C12orf76: variants seen among roughly 807,000 people sequenced by gnomAD.
C12orf76 encodes the protein uncharacterized protein C12orf76.
In C12orf76, 6 loss-of-function variants were observed where a neutral mutation model predicts 6.8. The observed-to-expected ratio is 0.88, with a 90% CI of 0.48 to 1.73. C12orf76 has a LOEUF of 1.73. C12orf76 is among the 40% of genes most tolerant of loss of function. C12orf76 has a pLI of 0.01. For synonymous variants in C12orf76, 56 were observed against 43.7 expected, an observed-to-expected ratio of 1.28 and a Z score of -1.11; for missense variants, 99 against 98.2, an observed-to-expected ratio of 1.01 and a Z score of -0.03.
In C12orf76 at chr12:110,062,788, A is replaced by ATTT. The variant is rs71079597; in HGVS notation, n.380+3069_380+3071dup. On this transcript the variant is annotated intron_variant and non_coding_transcript_variant, in intron 2 of 4. Coordinates refer to the C12orf76 transcript ENST00000309050. ...GTGTGCACCACCATGCCCAGCTAAT[A>ATTT]TTTTTTTTTTTTTTTTTTTTTTTTT... Among the ~76,000 whole-genome samples, 626 of 63,394 alleles carry ATTT rather than the reference A, an allele frequency of 9.9e-3. 25 individuals carry two copies. The highest frequency in any genetic ancestry group is 0.012 in the African/African-American group (162 of 13,426). The allele number at this position is 63,394 out of a possible 152,430, so 41.6% of individuals were successfully genotyped here. A position where few individuals can be genotyped will look rare whatever the true frequency, so the allele number is the denominator to read the frequency against.
Position 110,042,224 on chromosome 12 carries a change from T to C in C12orf76, c.*150A>G. 1.6e-6 allele frequency: 1 copy of C among 640,698 alleles called. No individual in the cohort carries two copies. Among genetic ancestry groups the C allele is most frequent in the Non-Finnish European group, 2.8e-6 (1 of 353,158 alleles). 39.7% of individuals were successfully genotyped at this position (640,698 alleles called of 1,614,324 possible). Reference sequence around the variant, plus strand: ...TTAGGAAAAAATAATGTCTAGTACATGTTTTCTTCTAATTCATTTAGCATT... The same window carrying C: ...TTAGGAAAAAATAATGTCTAGTACACGTTTTCTTCTAATTCATTTAGCATT... On this transcript the variant is annotated 3_prime_UTR_variant, in exon 2 of 2. Transcript: ENST00000615315.
intron 1 of C12orf76, among the ~76,000 whole-genome samples, chr12:110,043,870 C>CAAACA (rs1555251404): frequency 3.9e-4 from 52 of 132,418 alleles, no homozygotes; most frequent in Middle Eastern, 3.7e-3. Flanking sequence ...AAAACAAAAA[C>CAAACA]AAAAAAAAAA....
In C12orf76 at chr12:110,059,025, A is replaced by G. The variant is rs1892724078; in HGVS notation, n.519T>C. The G allele has an allele frequency of 1.9e-6, 3 of 1,551,562 alleles. No homozygotes were observed. The South Asian group carries it at 3.6e-5, about 18-fold the overall frequency. On this transcript the variant is annotated non_coding_transcript_exon_variant, in exon 3 of 5. Coordinates refer to the C12orf76 transcript ENST00000309050. ...GCCGAACAAACTGTGGTATGAATGA[A>G]GCGAGAAGCTTGTCCAAGGTCACAT... is the stretch of plus-strand genomic sequence containing the variant.
Position 110,042,167 on chromosome 12 carries a change from G to A in C12orf76, c.*207C>T, listed in dbSNP as rs551712600. On this transcript the variant is annotated 3_prime_UTR_variant, in exon 2 of 2. Coordinates refer to ENST00000615315, the MANE Select transcript of C12orf76 (RefSeq NM_001389625.1). Reference sequence around the variant, plus strand: ...AGTACAGTCAGAAACACTGAGAAGCGGACTCAGGGGCCAATTATTTGCGCT... The same window carrying A: ...AGTACAGTCAGAAACACTGAGAAGCAGACTCAGGGGCCAATTATTTGCGCT... 2.1e-4 allele frequency: 119 copies of A among 579,644 alleles called. No homozygotes were observed. Among genetic ancestry groups the A allele is most frequent in the Non-Finnish European group, 3.0e-4 (98 of 323,166 alleles). 35.9% of individuals were successfully genotyped at this position (579,644 alleles called of 1,614,324 possible).
chr12:110,073,524 C>CA lies in C12orf76; in HGVS notation n.110dup, dbSNP rs1453014622. 1.7e-5 allele frequency: 9 copies of CA among 519,486 alleles called. No individual in the cohort carries two copies. The East Asian group carries it at 4.9e-4, about 28-fold the overall frequency. 32.2% of individuals were successfully genotyped at this position (519,486 alleles called of 1,614,324 possible). On this transcript the variant is annotated non_coding_transcript_exon_variant, in exon 1 of 2. Coordinates refer to the C12orf76 transcript ENST00000548936. The stretch of plus-strand genomic sequence containing the variant: ...TGTCTCATACAGGAAAACATCACTG[C>CA]AGCTGCAGCAGGCTGGCACGGTTAC...
At chr12:110,046,578 T>C (rs541781930) in intron 1 of C12orf76, among the ~76,000 whole-genome samples, 81 of 152,366 alleles carry the variant, frequency 5.3e-4, no homozygotes, top group African/African-American at 1.8e-3. Context: ...TCCCTTCATC[T>C]GCAAAGCATT....
chr12:110,071,924 A>T (rs771241884), upstream of C12orf76, among the ~76,000 whole-genome samples: 3 of 152,220 alleles, frequency 2.0e-5, no homozygotes, highest in Non-Finnish European at 4.4e-5. Context: ...GGTGAAACAT[A>T]GTTAACATAT....
At chr12:110,060,058 C>A (rs918175419) in intron 2 of C12orf76, among the ~76,000 whole-genome samples, 2 of 152,102 alleles carry the variant, frequency 1.3e-5, no homozygotes, top group Admixed American at 1.3e-4. Context: ...AACATCATTT[C>A]TCTACTAAAA....
upstream of C12orf76, among the ~76,000 whole-genome samples, chr12:110,068,274 GAAGAA>G (rs1566080140): frequency 4.5e-5 from 6 of 133,548 alleles, no homozygotes; most frequent in African/African-American, 1.6e-4. Flanking sequence ...AGAAGAAGAA[GAAGAA>G]GAAGAAGAAG....
upstream of C12orf76, among the ~76,000 whole-genome samples, chr12:110,052,340 G>T (rs1778439909): frequency 6.6e-6 from 1 of 151,962 alleles, no homozygotes; most frequent in Admixed American, 6.6e-5. Flanking sequence ...AACTACAGGT[G>T]TGTACCACCA....
chr12:110,065,643 G>A (rs1432213270), intron 2 of C12orf76, among the ~76,000 whole-genome samples: 7 of 152,004 alleles, frequency 4.6e-5, no homozygotes, highest in Non-Finnish European at 1.0e-4. Flanking sequence ...CTTGCATCTG[G>A]TGACTCCAGC....
chr12:110,052,280 A>G (rs1593246252), upstream of C12orf76, among the ~76,000 whole-genome samples: 3 of 148,140 alleles, frequency 2.0e-5, no homozygotes, highest in African/African-American at 5.0e-5. Context: ...TGCAGCCTCC[A>G]ACTCCTCAGC....
upstream of C12orf76, among the ~76,000 whole-genome samples, chr12:110,069,369 G>C (rs1892933767): frequency 6.6e-6 from 1 of 151,792 alleles, no homozygotes; most frequent in Non-Finnish European, 1.5e-5. Flanking sequence ...GAACCCGGGA[G>C]GCGGAGCTTG....
At chr12:110,066,471 T>C (rs1339196039) in intron 1 of C12orf76, among the ~76,000 whole-genome samples, 3 of 142,580 alleles carry the variant, frequency 2.1e-5, no homozygotes, top group African/African-American at 7.9e-5. Context: ...GCAGATCACC[T>C]GAGGTCGGGA....
At chr12:110,073,277 C>G in intron 1 of C12orf76, 1 of 425,160 alleles carries the variant, frequency 2.4e-6, no homozygotes, top group African/African-American at 2.0e-5. Flanking sequence ...ATGCTGCTTC[C>G]TCCCTCCCGC....
upstream of C12orf76, among the ~76,000 whole-genome samples, chr12:110,071,090 T>A (rs1892955990): frequency 2.0e-5 from 3 of 152,236 alleles, no homozygotes; most frequent in African/African-American, 7.2e-5. Flanking sequence ...TATATGTTTA[T>A]CATTCAATAT....
At chr12:110,073,476 CT>C in exon 1 of C12orf76, 1 of 523,336 alleles carries the variant, frequency 1.9e-6, no homozygotes. Flanking sequence ...ATAATTGATG[CT>C]TTGGATCCGG....
intron 4 of C12orf76, chr12:110,056,846 G>C (rs1390694189): frequency 4.5e-6 from 1 of 219,830 alleles, no homozygotes; most frequent in African/African-American, 2.3e-5. Flanking sequence ...CACGTAAGAC[G>C]TACTTTTCAC....
chr12:110,066,801 G>T (rs1228011690), intron 1 of C12orf76, among the ~76,000 whole-genome samples: 2 of 152,332 alleles, frequency 1.3e-5, no homozygotes, highest in South Asian at 2.1e-4. Context: ...TATTCAGCTG[G>T]AGGAGGCCCA....
Sources: gnomAD v4.1 joint callset for allele counts (sites outside exome capture counted in the v4.1 genomes callset) on GRCh38, gnomAD v4.1.1 for gene constraint, MANE v1.5 for transcripts, NCBI Gene and HGNC (gene_info 2026-07-23, HGNC 2026-07-21) for gene names.